PAK5: variants seen among roughly 807,000 people sequenced by gnomAD.
The protein encoded by PAK5 is serine/threonine-protein kinase PAK 5.
PAK5 carries 16 observed loss-of-function variants against 65.9 expected under a neutral mutation model. The ratio of observed to expected loss-of-function variants is 0.24; its 90% CI spans 0.16 to 0.37. The LOEUF (loss-of-function observed/expected upper bound fraction) is 0.37, where lower values mean the gene tolerates loss of function less well. PAK5 is among the 10% of genes least tolerant of loss of function. The pLI is 1.00. For synonymous variants in PAK5, 371 were observed against 354.9 expected, an observed-to-expected ratio of 1.05 and a Z score of -0.51; for missense variants, 785 against 903.9, an observed-to-expected ratio of 0.87 and a Z score of 1.69.
Position 9,686,304 on chromosome 20 carries a change from G to A in PAK5, c.-12+24982C>T, listed in dbSNP as rs547948674. Among the ~76,000 whole-genome samples the A allele has an allele frequency of 2.9e-4, 44 of 152,306 alleles. No homozygotes were observed. In the South Asian group the frequency reaches 8.9e-3, roughly 31 times the overall value. ...GGTGACTGGTGTCTGAGTGGGTTCA[G>A]TCACTGGGAGGCACAGGTAGATGAT... On this transcript the variant is annotated intron_variant, in intron 2 of 9. Transcript: ENST00000353224.
chr20:9,592,693 G>T (rs919458761), intron 3 of PAK5, among the ~76,000 whole-genome samples: 2 of 152,182 alleles, frequency 1.3e-5, no homozygotes, highest in African/African-American at 4.8e-5. Context: ...ACTCAGAATG[G>T]GTGTTTGCCA....
chr20:9,575,895 C>T (rs373998955), intron 4 of PAK5, among the ~76,000 whole-genome samples: 1 of 152,258 alleles, frequency 6.6e-6, no homozygotes. Context: ...CAGTTATTTG[C>T]CTTTATAAAC....
Position 9,537,670 on chromosome 20 carries a change from A to T in PAK5, c.*1792T>A. 1 of 219,236 alleles carries T rather than the reference A, an allele frequency of 4.6e-6. No homozygotes were observed. The highest frequency in any genetic ancestry group is 1.8e-4 in the South Asian group (1 of 5,406). 13.6% of individuals were successfully genotyped at this position (219,236 alleles called of 1,614,324 possible). On this transcript the variant is annotated 3_prime_UTR_variant, in exon 10 of 10. Coordinates refer to ENST00000353224, the MANE Select transcript of PAK5 (RefSeq NM_177990.4). Reference sequence around the variant, plus strand: ...TACATAGTCCTGGTTAAATTAATACAATCTGTCTCATGAACATTTAGGACT... The same window carrying T: ...TACATAGTCCTGGTTAAATTAATACTATCTGTCTCATGAACATTTAGGACT...
intron 3 of PAK5, among the ~76,000 whole-genome samples, chr20:9,639,310 T>C (rs1403379036): frequency 2.0e-5 from 3 of 152,198 alleles, no homozygotes; most frequent in Non-Finnish European, 4.4e-5. Flanking sequence ...TATTGTCTAC[T>C]GTCTGCCAGT....
chr20:9,755,037 G>A (rs189327773), intron 1 of PAK5, among the ~76,000 whole-genome samples: 5 of 152,260 alleles, frequency 3.3e-5, no homozygotes, highest in African/African-American at 4.8e-5. Context: ...ATGTGTTAAC[G>A]AAGATGTTTA....
At chr20:9,673,808 C>A (rs1298732487) in intron 2 of PAK5, among the ~76,000 whole-genome samples, 1 of 152,148 alleles carries the variant, frequency 6.6e-6, no homozygotes, top group Non-Finnish European at 1.5e-5. Flanking sequence ...TGCCCACAAT[C>A]CTACCGCATG....
At chr20:9,545,191 A>G (rs6056685) in intron 7 of PAK5, among the ~76,000 whole-genome samples, 1 of 152,024 alleles carries the variant, frequency 6.6e-6, no homozygotes, top group Non-Finnish European at 1.5e-5. Context: ...GGCTCAGTGT[A>G]TATACATGTT....
chr20:9,546,067 C>A (rs2045339267), intron 7 of PAK5, among the ~76,000 whole-genome samples: 1 of 152,110 alleles, frequency 6.6e-6, no homozygotes, highest in Non-Finnish European at 1.5e-5. Context: ...AGAACAAGTG[C>A]ATTAATATAT....
At chr20:9,692,795 C>T (rs1293479915) in intron 2 of PAK5, among the ~76,000 whole-genome samples, 3 of 151,940 alleles carry the variant, frequency 2.0e-5, no homozygotes, top group Non-Finnish European at 2.9e-5. Context: ...TTCACCTGGG[C>T]CAATCAATAC....
intron 3 of PAK5, among the ~76,000 whole-genome samples, chr20:9,622,397 G>A (rs192546012): frequency 2.2e-3 from 337 of 152,230 alleles, no homozygotes; most frequent in Non-Finnish European, 3.6e-3. Context: ...CATGTATCTG[G>A]TAGGTACCCT....
intron 3 of PAK5, among the ~76,000 whole-genome samples, chr20:9,642,945 C>A (rs1184656533): frequency 6.6e-6 from 1 of 152,120 alleles, no homozygotes; most frequent in East Asian, 1.9e-4. Flanking sequence ...ATGTTCAATA[C>A]CAGAATAGAA....
In PAK5 at chr20:9,537,895, A is replaced by T. The variant is rs2045196114; in HGVS notation, c.*1567T>A. The T allele has an allele frequency of 4.4e-6, 1 of 229,362 alleles. No individual in the cohort carries two copies. Among genetic ancestry groups the T allele is most frequent in the Non-Finnish European group, 8.7e-6 (1 of 115,576 alleles). The allele number at this position is 229,362 out of a possible 1,614,324, so 14.2% of individuals were successfully genotyped here. A position where few individuals can be genotyped will look rare whatever the true frequency, so the allele number is the denominator to read the frequency against. ...CCTTTTTTCCTTTTTAGCAGTGATA[A>T]ATAATTAGCAACCTATTAATTACAA... is the stretch of plus-strand genomic sequence containing the variant. On this transcript the variant is annotated 3_prime_UTR_variant, in exon 10 of 10. Transcript: ENST00000353224.
intron 1 of PAK5, among the ~76,000 whole-genome samples, chr20:9,827,051 T>C (rs1978335493): frequency 6.6e-6 from 1 of 152,230 alleles, no homozygotes; most frequent in African/African-American, 2.4e-5. Context: ...TGGAATTTTT[T>C]TTCTTTCTCC....
At chr20:9,684,725 C>CAGTT (rs1412436222) in intron 2 of PAK5, among the ~76,000 whole-genome samples, 2 of 152,182 alleles carry the variant, frequency 1.3e-5, no homozygotes, top group African/African-American at 4.8e-5. Flanking sequence ...AATGTTTCTT[C>CAGTT]AGTTAGGCAT....
chr20:9,829,022 G>A (rs1403765661), intron 1 of PAK5, among the ~76,000 whole-genome samples: 1 of 152,152 alleles, frequency 6.6e-6, no homozygotes. Flanking sequence ...TACACCTTAT[G>A]GCCAATTTAC....
intron 1 of PAK5, among the ~76,000 whole-genome samples, chr20:9,741,270 A>C (rs2048447871): frequency 6.6e-6 from 1 of 152,086 alleles, no homozygotes; most frequent in South Asian, 2.1e-4. Context: ...CACAAGAAGA[A>C]GGGAAATAAG....
At chr20:9,604,924 A>G (rs1246752812) in intron 3 of PAK5, among the ~76,000 whole-genome samples, 1 of 152,224 alleles carries the variant, frequency 6.6e-6, no homozygotes, top group Non-Finnish European at 1.5e-5. Flanking sequence ...ACCCCAGTAC[A>G]AGGAACTGTA....
chr20:9,785,909 G>A (rs1286340789), intron 1 of PAK5, among the ~76,000 whole-genome samples: 5 of 152,064 alleles, frequency 3.3e-5, no homozygotes, highest in African/African-American at 1.2e-4. Flanking sequence ...TCCTAGAATA[G>A]ACTGACCCAC....
chr20:9,680,869 T>C (rs546819211), intron 2 of PAK5, among the ~76,000 whole-genome samples: 1 of 152,280 alleles, frequency 6.6e-6, no homozygotes, highest in Admixed American at 6.5e-5. Context: ...AGCAAATATT[T>C]TATGTCCACT....
Sources: allele counts gnomAD v4.1 joint callset (sites outside exome capture counted in the v4.1 genomes callset), GRCh38; gene constraint gnomAD v4.1.1; transcripts MANE v1.5; gene names NCBI Gene and HGNC (gene_info 2026-07-23, HGNC 2026-07-21).